The following MAF variants were observed in gnomAD, a reference collection of about 807,000 sequenced individuals.
MAF encodes MAF bZIP transcription factor.
In MAF, 10 loss-of-function variants were observed where a neutral mutation model predicts 22.0. The observed-to-expected ratio is 0.45, with a 90% CI of 0.28 to 0.77. The LOEUF is 0.77. MAF is among the 30% of genes least tolerant of loss of function. The pLI is 0.12. For synonymous variants in MAF, 337 were observed against 255.8 expected, an observed-to-expected ratio of 1.32 and a Z score of -3.03; for missense variants, 544 against 548.4, an observed-to-expected ratio of 0.99 and a Z score of 0.08.
the MAF span, among the ~76,000 whole-genome samples, chr16:79,338,548 C>A: frequency 6.6e-6 from 1 of 151,968 alleles, no homozygotes; most frequent in African/African-American, 2.4e-5. Flanking sequence ...CCAAAAAGAA[C>A]AATCGTGTTG....
the MAF span, among the ~76,000 whole-genome samples, chr16:79,493,001 C>G: frequency 6.6e-6 from 1 of 151,994 alleles, no homozygotes; most frequent in Non-Finnish European, 1.5e-5. Flanking sequence ...CTCTGTCATC[C>G]AGGCTGGAGT....
chr16:79,354,203 G>A, the MAF span, among the ~76,000 whole-genome samples: 1 of 151,998 alleles, frequency 6.6e-6, no homozygotes, highest in East Asian at 1.9e-4. Context: ...ATGTTGCCCA[G>A]ACTGCTCTCA....
At chr16:79,584,182 G>T (rs77935057), downstream of MAF, among the ~76,000 whole-genome samples, 3,013 of 152,164 alleles carry the variant, frequency 0.02, 98 homozygotes, top group African/African-American at 0.068. Flanking sequence ...CTAGAAAATT[G>T]TCAGAAATAA....
At chr16:79,250,553 G>A in the MAF span, among the ~76,000 whole-genome samples, 2 of 152,260 alleles carry the variant, frequency 1.3e-5, no homozygotes, top group East Asian at 3.9e-4. Context: ...TTCTTTCCCA[G>A]GTAAGAATCA....
the MAF span, among the ~76,000 whole-genome samples, chr16:79,464,685 T>C: frequency 2.0e-5 from 3 of 152,116 alleles, no homozygotes; most frequent in Non-Finnish European, 4.4e-5. Flanking sequence ...TGACAACTGG[T>C]AGTAGAAAAC....
chr16:79,471,962 T>G, the MAF span, among the ~76,000 whole-genome samples: 2 of 152,200 alleles, frequency 1.3e-5, no homozygotes, highest in Non-Finnish European at 1.5e-5. Context: ...CCCTCATGCG[T>G]AAGACAAAGT....
At chr16:79,446,129 G>T in the MAF span, among the ~76,000 whole-genome samples, 1 of 152,126 alleles carries the variant, frequency 6.6e-6, no homozygotes, top group African/African-American at 2.4e-5. Flanking sequence ...AGGAAGGAAA[G>T]GAGCTGTTAT....
the MAF span, among the ~76,000 whole-genome samples, chr16:79,400,867 T>G: frequency 6.6e-6 from 1 of 152,236 alleles, no homozygotes; most frequent in Non-Finnish European, 1.5e-5. Flanking sequence ...TGGGGTATCT[T>G]CCGGGGAAGG....
chr16:79,283,332 G>C, the MAF span, among the ~76,000 whole-genome samples: 2 of 152,162 alleles, frequency 1.3e-5, no homozygotes, highest in African/African-American at 2.4e-5. Context: ...TTCACAATAA[G>C]TACATTCCAG....
chr16:79,546,609 A>G, the MAF span, among the ~76,000 whole-genome samples: 5 of 152,316 alleles, frequency 3.3e-5, no homozygotes, highest in East Asian at 9.6e-4. Flanking sequence ...CATTCTTTGA[A>G]GAAGGAAGAA....
chr16:79,587,843 C>G (rs1319986749), intron 1 of MAF, among the ~76,000 whole-genome samples: 2 of 142,552 alleles, frequency 1.4e-5, no homozygotes, highest in African/African-American at 5.2e-5. Context: ...GGAAACCACC[C>G]TGTTATCAAA....
the MAF span, among the ~76,000 whole-genome samples, chr16:79,463,832 T>C: frequency 6.6e-6 from 1 of 152,094 alleles, no homozygotes; most frequent in Non-Finnish European, 1.5e-5. Context: ...CTGTGAAACA[T>C]GGCTTCTTTC....
the MAF span, among the ~76,000 whole-genome samples, chr16:79,261,824 C>T: frequency 1.3e-5 from 2 of 152,192 alleles, no homozygotes; most frequent in Non-Finnish European, 2.9e-5. Context: ...TCACCTTTGG[C>T]CCTGAGTCCT....
chr16:79,595,560 A>T (rs1275906850), intron 1 of MAF: 10 of 1,059,712 alleles, frequency 9.4e-6, no homozygotes, highest in Non-Finnish European at 1.1e-5. Context: ...TTGTAACATT[A>T]GTTTCATGAA....
the MAF span, among the ~76,000 whole-genome samples, chr16:79,374,934 T>A: frequency 5.9e-5 from 9 of 152,284 alleles, no homozygotes; most frequent in South Asian, 1.7e-3. Flanking sequence ...GCTGAGTTAG[T>A]TTTCATGTGT....
chr16:79,543,998 T>C, the MAF span, among the ~76,000 whole-genome samples: 1 of 152,192 alleles, frequency 6.6e-6, no homozygotes, highest in Admixed American at 6.5e-5. Flanking sequence ...GGCCCTCTTT[T>C]CTTGTACCAA....
the MAF span, among the ~76,000 whole-genome samples, chr16:79,519,744 A>C: frequency 5.3e-5 from 8 of 152,254 alleles, no homozygotes; most frequent in South Asian, 1.0e-3. Flanking sequence ...TCCTGTCCTA[A>C]CTCATGGGCC....
At chr16:79,424,266 T>A in the MAF span, among the ~76,000 whole-genome samples, 1 of 152,238 alleles carries the variant, frequency 6.6e-6, no homozygotes, top group East Asian at 1.9e-4. Flanking sequence ...AAATCATGCA[T>A]TTAAAAGTTA....
the MAF span, among the ~76,000 whole-genome samples, chr16:79,211,032 G>GTGTGTGTGTGTGT: frequency 9.9e-5 from 3 of 30,442 alleles, no homozygotes; most frequent in Admixed American, 1.1e-3. Flanking sequence ...TGTATGGTGA[G>GTGTGTGTGTGTGT]GAGTGTGTGT....
Sources: allele counts gnomAD v4.1 joint callset (sites outside exome capture counted in the v4.1 genomes callset), GRCh38; gene constraint gnomAD v4.1.1; transcripts MANE v1.5; gene names NCBI Gene and HGNC (gene_info 2026-07-23, HGNC 2026-07-21).